Variants in DPP8 observed in about 807,000 individuals in gnomAD.
DPP8 encodes dipeptidyl peptidase 8.
A neutral mutation model predicts 107.5 loss-of-function variants in DPP8; 31 were observed. The ratio of observed to expected loss-of-function variants is 0.29; its 90% CI spans 0.22 to 0.39. The LOEUF (loss-of-function observed/expected upper bound fraction) is 0.39, where lower values mean the gene tolerates loss of function less well. DPP8 is among the 10% of genes least tolerant of loss of function. DPP8 has a pLI of 1.00. For missense variants in DPP8, 842 were observed against 1,076.1 expected (o/e 0.78, Z 3.04); for synonymous variants, 381 against 356.6 (o/e 1.07, Z -0.77).
At chr15:65,513,324 T>C (rs352474) in intron 1 of DPP8, among the ~76,000 whole-genome samples, 142,961 of 152,162 alleles carry the variant, frequency 0.94, 67,156 homozygotes, top group Admixed American at 0.96. Flanking sequence ...CGCCATTCTC[T>C]GCCTTAGCCT....
At chr15:65,516,653 T>C (rs2071476305) in intron 1 of DPP8, 1 of 152,172 alleles carries the variant, frequency 6.6e-6, no homozygotes, top group East Asian at 1.9e-4. Context: ...GCATGTTGAC[T>C]CAGAAAATAG....
chr15:65,455,459 C>T (rs531821652), intron 16 of DPP8: 59 of 210,554 alleles, frequency 2.8e-4, no homozygotes, highest in Admixed American at 8.1e-4. Context: ...ATTTTTAGTG[C>T]AGTAAAGCAG....
At chr15:65,455,827 A>G (rs2064365474) in intron 16 of DPP8, 2 of 1,291,444 alleles carry the variant, frequency 1.5e-6, no homozygotes, top group African/African-American at 1.5e-5. Flanking sequence ...TCTAAAAGGT[A>G]GCATTTAAAG....
Position 65,446,872 on chromosome 15 carries a change from C to T in DPP8, c.*12G>A, listed in dbSNP as rs755521525. On this transcript the variant is annotated 3_prime_UTR_variant, in exon 20 of 20. Transcript: ENST00000300141. ...AGCCAGTGTATACCAGAGAGTTCTA[C>T]ACAGGTCAAAATTATATCACTTTTA... 9.3e-6 allele frequency: 15 copies of T among 1,606,476 alleles called. No homozygotes were observed. The highest frequency in any genetic ancestry group is 1.3e-5 in the Non-Finnish European group (15 of 1,177,162).
chr15:65,479,556 G>T (rs2066707890), intron 10 of DPP8, among the ~76,000 whole-genome samples: 1 of 152,094 alleles, frequency 6.6e-6, no homozygotes, highest in Admixed American at 6.6e-5. Flanking sequence ...TTAAGAATTG[G>T]TATATTGGCC....
At chr15:65,478,549 T>C (rs777185550) in intron 11 of DPP8, among the ~76,000 whole-genome samples, 9 of 152,194 alleles carry the variant, frequency 5.9e-5, no homozygotes, top group Non-Finnish European at 1.3e-4. Context: ...TGTGAGCCAC[T>C]GCACCCAGCC....
At chr15:65,491,453 C>T (rs1350801421) in intron 5 of DPP8, among the ~76,000 whole-genome samples, 1 of 152,150 alleles carries the variant, frequency 6.6e-6, no homozygotes, top group East Asian at 1.9e-4. Flanking sequence ...TTCCAGTACT[C>T]ATGCTCCTTC....
intron 14 of DPP8, among the ~76,000 whole-genome samples, chr15:65,465,885 A>C (rs1567169429): frequency 6.6e-6 from 1 of 152,218 alleles, no homozygotes; most frequent in African/African-American, 2.4e-5. Context: ...AAGAAATCAA[A>C]TATTTTAAAC....
intron 8 of DPP8, among the ~76,000 whole-genome samples, chr15:65,484,383 G>A (rs1012193806): frequency 6.6e-6 from 1 of 151,832 alleles, no homozygotes; most frequent in African/African-American, 2.4e-5. Flanking sequence ...GGGGATGACG[G>A]CTCAGGAGTA....
intron 5 of DPP8, 133 bp downstream of exon 5, chr15:65,497,731 T>A (rs1161917341): frequency 2.0e-5 from 12 of 605,400 alleles, no homozygotes; most frequent in Non-Finnish European, 2.8e-5. Flanking sequence ...TCTCCATTTT[T>A]TAAAAATTTT....
At chr15:65,508,809 G>T (rs1297208559) in intron 2 of DPP8, among the ~76,000 whole-genome samples, 1 of 151,514 alleles carries the variant, frequency 6.6e-6, no homozygotes, top group African/African-American at 2.4e-5. Context: ...CCGAGATCAC[G>T]CCACTGCACT....
intron 5 of DPP8, among the ~76,000 whole-genome samples, chr15:65,492,171 G>T (rs1014851119): frequency 6.6e-6 from 1 of 151,908 alleles, no homozygotes; most frequent in Admixed American, 6.6e-5. Context: ...GTGAAACCCC[G>T]CCTCTACAAA....
chr15:65,452,177 A>C, intron 17 of DPP8, 75 bp from the exon 18 acceptor site: 1 of 1,490,106 alleles, frequency 6.7e-7, no homozygotes, highest in Non-Finnish European at 9.0e-7. Flanking sequence ...TTACAACTGC[A>C]AATTTACAGT....
intron 16 of DPP8, chr15:65,455,310 C>T (rs1226975754): frequency 1.3e-5 from 2 of 156,792 alleles, no homozygotes; most frequent in East Asian, 3.8e-4. Context: ...TTTTTTAACT[C>T]ATTTGTAGAG....
intron 11 of DPP8, among the ~76,000 whole-genome samples, chr15:65,478,244 A>G (rs1387794399): frequency 6.6e-6 from 1 of 152,172 alleles, no homozygotes; most frequent in Non-Finnish European, 1.5e-5. Context: ...ATTACATAAC[A>G]TTTAAAAAAA....
At chr15:65,491,187 T>G (rs1306681806) in intron 5 of DPP8, among the ~76,000 whole-genome samples, 1 of 151,090 alleles carries the variant, frequency 6.6e-6, no homozygotes, top group East Asian at 1.9e-4. Context: ...AAAAAAGATT[T>G]TGTGTCATGA....
At chr15:65,514,555 G>A (rs554444735) in intron 1 of DPP8, among the ~76,000 whole-genome samples, 222 of 152,250 alleles carry the variant, frequency 1.5e-3, no homozygotes, top group African/African-American at 5.2e-3. Flanking sequence ...GTCACCCAGG[G>A]TAGAGTGCAG....
chr15:65,512,705 G>A (rs2070951491), intron 1 of DPP8, 141 bp from the exon 2 acceptor site: 2 of 772,180 alleles, frequency 2.6e-6, no homozygotes, highest in Non-Finnish European at 4.2e-6. Context: ...ATGAAACTTA[G>A]TAAGAAAAGC....
At position 65,466,736 on chromosome 15, in the gene DPP8, A is replaced by T; in HGVS notation, c.1767T>A (p.Pro589=). 6.2e-7 allele frequency: 1 copy of T among 1,614,110 alleles called. No individual in the cohort carries two copies. Among genetic ancestry groups the T allele is most frequent in the Non-Finnish European group, 8.5e-7 (1 of 1,179,966 alleles). Residue 589 remains proline, a synonymous_variant, in exon 14 of 20, where the codon CCT becomes CCA. Coordinates refer to ENST00000300141, the MANE Select transcript of DPP8 (RefSeq NM_130434.5). ...HCVSLYKLSS[P]EDDPTCKTKE... is the part of the protein sequence containing the mutation. Reference sequence around the variant, plus strand: ...TTGTTTTGCAAGTTGGGTCATCTTCAGGACTTGATAGCTTGTAAAGGGACA... The same window carrying T: ...TTGTTTTGCAAGTTGGGTCATCTTCTGGACTTGATAGCTTGTAAAGGGACA...
Sources: gnomAD v4.1 joint callset for allele counts (sites outside exome capture counted in the v4.1 genomes callset) on GRCh38, gnomAD v4.1.1 for gene constraint, MANE v1.5 for transcripts, NCBI Gene and HGNC (gene_info 2026-07-23, HGNC 2026-07-21) for gene names.